CDON: variants seen among roughly 807,000 people sequenced by gnomAD.
The protein encoded by CDON is cell adhesion associated, oncogene regulated.
Under a neutral mutation model 120.9 loss-of-function variants are expected in CDON, and 73 were observed. The observed-to-expected ratio is 0.60, with a 90% CI of 0.50 to 0.73. CDON has a LOEUF of 0.73. Ranked by LOEUF, CDON falls within the 30% of genes least tolerant of loss-of-function variation. CDON has a pLI of 0.00. For synonymous variants in CDON, 566 were observed against 573.5 expected (o/e 0.99, Z 0.19); for missense variants, 1,470 against 1,587.3 (o/e 0.93, Z 1.26).
intron 1 of CDON, among the ~76,000 whole-genome samples, chr11:126,044,835 A>C (rs1948360283): frequency 1.3e-5 from 2 of 152,200 alleles, no homozygotes; most frequent in African/African-American, 4.8e-5. Flanking sequence ...TCAGTATTAC[A>C]ACAGGGTGAC....
At chr11:126,025,895 T>C (rs917702634) in intron 1 of CDON, among the ~76,000 whole-genome samples, 8 of 152,140 alleles carry the variant, frequency 5.3e-5, no homozygotes, top group Non-Finnish European at 1.0e-4. Context: ...ACTAACAATG[T>C]CCATGCCATT....
At chr11:126,062,162 C>T (rs1007952609) in intron 1 of CDON, among the ~76,000 whole-genome samples, 1 of 152,164 alleles carries the variant, frequency 6.6e-6, no homozygotes, top group African/African-American at 2.4e-5. Flanking sequence ...TCTCTTGCTT[C>T]TCCCTACACA....
Position 126,015,701 on chromosome 11 carries a change from T to G in CDON, c.929-191A>C, listed in dbSNP as rs77535774. On this transcript the variant is annotated intron_variant, in intron 6 of 19. Coordinates refer to ENST00000531738, the MANE Select transcript of CDON (RefSeq NM_001378964.1). ...TGTTCCACTAATAGGATAAACCATATGTTGCTAATAAGATATAGTCTCCTT... is the reference window on the plus strand; with the variant it reads ...TGTTCCACTAATAGGATAAACCATAGGTTGCTAATAAGATATAGTCTCCTT... Among the ~76,000 whole-genome samples the G allele has an allele frequency of 3.3e-4, 51 of 152,302 alleles. 2 individuals carry two copies. In the East Asian group the frequency reaches 9.6e-3, roughly 29 times the overall value.
At chr11:125,997,480 G>A in intron 11 of CDON, 70 bp from the exon 12 acceptor site, 1 of 1,175,390 alleles carries the variant, frequency 8.5e-7, no homozygotes, top group Non-Finnish European at 1.2e-6. Flanking sequence ...TAAATTAAAG[G>A]GATAAGTCCC....
Position 125,995,030 on chromosome 11 carries a change from G to T in CDON, c.2385C>A (p.Val795=). ...LEPGSTYKFR[V]IAINHYGESF... is the part of the protein sequence containing the mutation. Reference sequence around the variant, plus strand: ...TCTCACCATAATGGTTGATGGCAATGACCCTAAATTTGTATGTTGAACCTT... The same window carrying T: ...TCTCACCATAATGGTTGATGGCAATTACCCTAAATTTGTATGTTGAACCTT... Residue 795 remains valine (V), a synonymous_variant, in exon 13 of 20, where the codon GTC becomes GTA. Coordinates refer to ENST00000531738, the MANE Select transcript of CDON (RefSeq NM_001378964.1). 1 of 1,614,018 alleles carries T rather than the reference G, an allele frequency of 6.2e-7. No homozygotes were observed. Among genetic ancestry groups the T allele is most frequent in the South Asian group, 1.1e-5 (1 of 91,058 alleles).
chr11:125,966,583 C>G (rs1437887290), intron 18 of CDON, among the ~76,000 whole-genome samples: 1 of 152,096 alleles, frequency 6.6e-6, no homozygotes, highest in East Asian at 1.9e-4. Flanking sequence ...TAAGAGTTTT[C>G]TAAACCTGAT....
At chr11:126,010,197 G>T in intron 8 of CDON, 144 bp downstream of exon 8, 1 of 658,628 alleles carries the variant, frequency 1.5e-6, no homozygotes, top group Non-Finnish European at 2.6e-6. Flanking sequence ...GAAATACCAA[G>T]AAATACAGTT....
At chr11:126,062,241 T>G (rs1055184491) in intron 1 of CDON, among the ~76,000 whole-genome samples, 1 of 152,066 alleles carries the variant, frequency 6.6e-6, no homozygotes, top group Non-Finnish European at 1.5e-5. Flanking sequence ...CCGGCTCCCT[T>G]GGGAAAACGC....
intron 1 of CDON, among the ~76,000 whole-genome samples, chr11:126,042,614 A>T (rs2134846232): frequency 6.6e-6 from 1 of 152,284 alleles, no homozygotes; most frequent in South Asian, 2.1e-4. Context: ...CAAAGATTTT[A>T]TTTATTTACT....
chr11:126,018,185 C>A, intron 5 of CDON, 145 bp downstream of exon 5: 1 of 822,386 alleles, frequency 1.2e-6, no homozygotes, highest in South Asian at 1.5e-5. Context: ...CAGGGGTGAC[C>A]CACCACACCT....
intron 2 of CDON, among the ~76,000 whole-genome samples, chr11:126,022,673 T>A (rs1158373391): frequency 6.6e-6 from 1 of 152,232 alleles, no homozygotes; most frequent in Non-Finnish European, 1.5e-5. Flanking sequence ...TTTGGCTGAA[T>A]CTGGGGTGGT....
chr11:125,991,016 T>C (rs1315417736), intron 14 of CDON, among the ~76,000 whole-genome samples: 1 of 152,078 alleles, frequency 6.6e-6, no homozygotes, highest in African/African-American at 2.4e-5. Flanking sequence ...TTTTGTAGTC[T>C]TGGGTCTTTC....
At chr11:126,059,729 C>G (rs1307496169) in intron 1 of CDON, among the ~76,000 whole-genome samples, 1 of 152,102 alleles carries the variant, frequency 6.6e-6, no homozygotes, top group East Asian at 1.9e-4. Flanking sequence ...TAGCTTGTCT[C>G]CAGGGCTCTC....
At position 125,961,981 on chromosome 11, in the gene CDON, T is replaced by C. The variant is rs780548308; in HGVS notation, c.3374A>G (p.Asn1125Ser). ...RNNNRCFTKT[N>S]STFSSSPPPV... The stretch of plus-strand genomic sequence containing the variant: ...AGGAGGGCTGCTGCTGAAAGTGCTG[T>C]TGGTTTTGGTGAAACACCTGCAGAG... Residue 1125 changes from asparagine to serine, a missense_variant, in exon 19 of 20, where the codon AAC (asparagine) becomes AGC (serine). Coordinates refer to ENST00000531738, the MANE Select transcript of CDON (RefSeq NM_001378964.1). 1.2e-6 allele frequency: 2 copies of C among 1,614,186 alleles called. No individual in the cohort carries two copies. Among genetic ancestry groups the C allele is most frequent in the South Asian group, 1.1e-5 (1 of 91,076 alleles).
At position 126,059,709 on chromosome 11, in the gene CDON, C is replaced by T. The variant is rs373325712; in HGVS notation, c.-62+2870G>A. Among the ~76,000 whole-genome samples, 7 of 152,100 alleles carry T rather than the reference C, an allele frequency of 4.6e-5. No individual in the cohort carries two copies. In the East Asian group the frequency reaches 7.7e-4, roughly 17 times the overall value. On this transcript the variant is annotated intron_variant, in intron 1 of 19. Coordinates refer to ENST00000531738, the MANE Select transcript of CDON (RefSeq NM_001378964.1). ...AATCAAATACAGAATGAATTTTCAG[C>T]TCTATTCACTAGCTTGTCTCCAGGG... is the stretch of plus-strand genomic sequence containing the variant.
rs1565501813 is a variant in CDON at position 125,981,963 on chromosome 11, C to CTTTT, written c.2996-635_2996-634insAAAA. On this transcript the variant is annotated intron_variant, in intron 16 of 19. Coordinates refer to ENST00000531738, the MANE Select transcript of CDON (RefSeq NM_001378964.1). Reference sequence around the variant, plus strand: ...GGAGTACCAAAGGCAAAAAGTGATTCTATTTTCTTTTTTTTTTTTTTTTTT... The same window carrying CTTTT: ...GGAGTACCAAAGGCAAAAAGTGATTCTTTTTATTTTCTTTTTTTTTTTTTTTTTT... Among the ~76,000 whole-genome samples, 256 of 34,134 alleles carry CTTTT rather than the reference C, an allele frequency of 7.5e-3. 9 individuals carry two copies. The highest frequency in any genetic ancestry group is 0.023 in the East Asian group (20 of 886). The allele number at this position is 34,134 out of a possible 152,430, so 22.4% of individuals were successfully genotyped here.
At position 125,960,218 on chromosome 11, in the gene CDON, C is replaced by A. The variant is rs1945604115; in HGVS notation, c.*724G>T. The A allele has an allele frequency of 6.6e-6, 1 of 152,316 alleles. No individual in the cohort carries two copies. The highest frequency in any genetic ancestry group is 6.5e-5 in the Admixed American group (1 of 15,286). 9.4% of individuals were successfully genotyped at this position (152,316 alleles called of 1,614,324 possible). The stretch of plus-strand genomic sequence containing the variant: ...AGTGTTCTCAGGAAGTCTGATAATA[C>A]AGGCCAGACGTGGTGGCTCACGCCT... On this transcript the variant is annotated 3_prime_UTR_variant, in exon 20 of 20. Coordinates refer to ENST00000531738, the MANE Select transcript of CDON (RefSeq NM_001378964.1).
At position 125,997,255 on chromosome 11, in the gene CDON, C is replaced by T. The variant is rs1281443862; in HGVS notation, c.2314G>A (p.Asp772Asn). The change falls in exon 12 of 20, where the codon GAC (aspartate) becomes AAC (asparagine). Residue 772 changes from aspartate (D) to asparagine (N), a missense_variant. Transcript: ENST00000531738. Reference protein sequence around the residue: ...RTSNWLVAAEDIPPSKLSVEV... With the variant: ...RTSNWLVAAENIPPSKLSVEV... ...ACTGAAAGTTTGGAAGGAGGGATGT[C>T]TTCAGCTGCCACCAGCCAATTGCTG... 1.2e-6 allele frequency: 2 copies of T among 1,614,166 alleles called. No homozygotes were observed. Among genetic ancestry groups the T allele is most frequent in the Non-Finnish European group, 1.7e-6 (2 of 1,179,998 alleles).
At chr11:126,010,886 G>A in intron 7 of CDON, 192 bp from the exon 8 acceptor site, 1 of 647,976 alleles carries the variant, frequency 1.5e-6, no homozygotes, top group Non-Finnish European at 2.8e-6. Context: ...ATAGCTGTGG[G>A]CTCCTAAACA....
Sources: allele counts gnomAD v4.1 joint callset (sites outside exome capture counted in the v4.1 genomes callset), GRCh38; gene constraint gnomAD v4.1.1; transcripts MANE v1.5; gene names NCBI Gene and HGNC (gene_info 2026-07-23, HGNC 2026-07-21).